TBPL1: variants seen among roughly 807,000 people sequenced by gnomAD.
TBPL1 encodes the protein TATA box-binding protein-like 1.
In TBPL1, 4 loss-of-function variants were observed where a neutral mutation model predicts 22.1. The ratio of observed to expected loss-of-function variants is 0.18; its 90% CI spans 0.09 to 0.41. The LOEUF (loss-of-function observed/expected upper bound fraction) is 0.41, where lower values mean the gene tolerates loss of function less well. Among genes scored for constraint, TBPL1 ranks in the 10% least tolerant of loss-of-function variants. The probability of loss-of-function intolerance (pLI) is 1.00; values close to 1 mark genes in which losing one functional copy is unlikely to be tolerated. For missense variants in TBPL1, 115 were observed against 222.3 expected, an observed-to-expected ratio of 0.52 and a Z score of 3.07; for synonymous variants, 64 against 71.0, an observed-to-expected ratio of 0.90 and a Z score of 0.50.
At chr6:133,983,821 T>C (rs892669184) in intron 4 of TBPL1, among the ~76,000 whole-genome samples, 2 of 152,338 alleles carry the variant, frequency 1.3e-5, no homozygotes, top group East Asian at 3.9e-4. Flanking sequence ...CTTTTCTTAG[T>C]GTAACATTAG....
At position 133,989,736 on chromosome 6, in the gene TBPL1, A is replaced by G. The variant is rs1385066; in HGVS notation, c.*2696A>G. On this transcript the variant is annotated 3_prime_UTR_variant, in exon 7 of 7. Transcript: ENST00000237264. The stretch of plus-strand genomic sequence containing the variant: ...TTACATAGGTTTATAGTCTCTCCAC[A>G]TTGTTATAAAGGAATGTAATAGATC... 0.4 allele frequency: 60,868 copies of G among 151,998 alleles called. 15,042 individuals are homozygous for G. The highest frequency in any genetic ancestry group is 0.57 in the Non-Finnish European group (39,035 of 67,970). 9.4% of individuals were successfully genotyped at this position (151,998 alleles called of 1,614,324 possible).
intron 1 of TBPL1, among the ~76,000 whole-genome samples, chr6:133,954,431 G>C (rs1775892291): frequency 6.6e-6 from 1 of 152,228 alleles, no homozygotes; most frequent in Non-Finnish European, 1.5e-5. Context: ...GAAAATGGCA[G>C]TTCCTTCCTA....
intron 2 of TBPL1, 83 bp from the exon 3 acceptor site, chr6:133,982,485 T>C: frequency 8.3e-7 from 1 of 1,201,724 alleles, no homozygotes; most frequent in Admixed American, 2.4e-5. Context: ...AGAGTAGTAT[T>C]TGGACATTAA....
intron 1 of TBPL1, among the ~76,000 whole-genome samples, chr6:133,962,973 G>A (rs1562656652): frequency 6.6e-6 from 1 of 152,208 alleles, no homozygotes; most frequent in South Asian, 2.1e-4. Flanking sequence ...ATAGGACATG[G>A]CAAGGGAGCA....
At chr6:133,986,898 A>G in intron 6 of TBPL1, 63 bp from the exon 7 acceptor site, 1 of 1,141,974 alleles carries the variant, frequency 8.8e-7, no homozygotes, top group South Asian at 1.6e-5. Flanking sequence ...CTGGAAAATC[A>G]GTTTTTCCTA....
rs540679519 is a variant in TBPL1 at position 133,964,226 on chromosome 6, T to C, written c.-45+10801T>C. ...AAATGTATGGCTTTCTTCTGATCTC[T>C]AGCCAAGTTCTCTGTGTTTATCCTT... On this transcript the variant is annotated intron_variant, in intron 1 of 6. Coordinates refer to ENST00000237264, the MANE Select transcript of TBPL1 (RefSeq NM_004865.4). 2.0e-5 allele frequency among the ~76,000 whole-genome samples: 3 copies of C among 152,322 alleles called. No individual in the cohort carries two copies. In the East Asian group the frequency reaches 5.8e-4, roughly 29 times the overall value.
chr6:133,976,784 C>T (rs914324998), intron 1 of TBPL1, among the ~76,000 whole-genome samples: 1 of 151,956 alleles, frequency 6.6e-6, no homozygotes, highest in South Asian at 2.1e-4. Context: ...GTCAAGAGTT[C>T]AAGAGCAACC....
At chr6:133,986,389 C>T (rs545118032) in intron 6 of TBPL1, among the ~76,000 whole-genome samples, 39 of 152,266 alleles carry the variant, frequency 2.6e-4, no homozygotes, top group Non-Finnish European at 5.1e-4. Flanking sequence ...GCATGGTCAC[C>T]TCGTAGCCTT....
chr6:133,955,049 G>T (rs941800941), intron 1 of TBPL1, among the ~76,000 whole-genome samples: 1 of 152,046 alleles, frequency 6.6e-6, no homozygotes, highest in African/African-American at 2.4e-5. Flanking sequence ...ACATTAAGAA[G>T]AAAAAGATAG....
At chr6:133,985,205 G>A (rs1390374726) in intron 6 of TBPL1, among the ~76,000 whole-genome samples, 2 of 147,598 alleles carry the variant, frequency 1.4e-5, no homozygotes, top group African/African-American at 5.0e-5. Flanking sequence ...TTTGAACCCA[G>A]GAGGCGGAGG....
At chr6:133,973,238 T>C (rs1439990718) in intron 1 of TBPL1, among the ~76,000 whole-genome samples, 1 of 152,192 alleles carries the variant, frequency 6.6e-6, no homozygotes, top group African/African-American at 2.4e-5. Context: ...TAGGAGACCA[T>C]GTGGGTTCCT....
At chr6:133,969,274 T>G (rs1040488132) in intron 1 of TBPL1, among the ~76,000 whole-genome samples, 1 of 143,126 alleles carries the variant, frequency 7.0e-6, no homozygotes, top group African/African-American at 2.7e-5. Context: ...TTTTTTTTTT[T>G]AGTAAATAGA....
intron 1 of TBPL1, among the ~76,000 whole-genome samples, chr6:133,975,875 A>G (rs940012083): frequency 3.3e-5 from 5 of 152,176 alleles, no homozygotes; most frequent in African/African-American, 1.2e-4. Flanking sequence ...AATGATAGGT[A>G]CGTAGATGTT....
intron 1 of TBPL1, among the ~76,000 whole-genome samples, chr6:133,974,990 C>T (rs1355562477): frequency 6.6e-6 from 1 of 152,006 alleles, no homozygotes; most frequent in Non-Finnish European, 1.5e-5. Flanking sequence ...AATGTTTATA[C>T]AAGAAAAGAC....
intron 1 of TBPL1, among the ~76,000 whole-genome samples, chr6:133,974,004 C>A (rs1464045212): frequency 3.5e-3 from 438 of 124,050 alleles, no homozygotes; most frequent in Middle Eastern, 9.3e-3. Context: ...CAGACTTTAC[C>A]AAAAAAAAAA....
chr6:133,982,545 A>C, intron 2 of TBPL1, 23 bp from the exon 3 acceptor site: 1 of 1,595,426 alleles, frequency 6.3e-7, no homozygotes, highest in Non-Finnish European at 8.6e-7. Context: ...CTTATGAGGT[A>C]ATCAGATTTT....
In TBPL1 at chr6:133,984,417, G is replaced by T; in HGVS notation, c.324G>T (p.Val108=). 6.2e-7 allele frequency: 1 copy of T among 1,613,514 alleles called. No individual in the cohort carries two copies. Among genetic ancestry groups the T allele is most frequent in the South Asian group, 1.1e-5 (1 of 91,056 alleles). The change falls in exon 5 of 7, where the codon GTG becomes GTT. Residue 108 remains valine, a synonymous_variant. Coordinates refer to ENST00000237264, the MANE Select transcript of TBPL1 (RefSeq NM_004865.4). ...TDFKVVNVLA[V]CNMPFEIRLP... ...TTAAGGTTGTTAACGTTCTGGCAGT[G>T]TGTAACATGCCATTTGAAATCCGTT...
At chr6:133,982,086 G>A (rs554315919) in intron 2 of TBPL1, among the ~76,000 whole-genome samples, 5 of 152,352 alleles carry the variant, frequency 3.3e-5, no homozygotes, top group African/African-American at 9.6e-5. Flanking sequence ...GCAATGAAGG[G>A]ATGGGTGTTT....
intron 1 of TBPL1, among the ~76,000 whole-genome samples, chr6:133,964,013 C>T (rs1382360700): frequency 3.9e-5 from 6 of 152,146 alleles, no homozygotes; most frequent in Non-Finnish European, 5.9e-5. Context: ...TGCACTCCAG[C>T]CTGGGCGACA....
Sources: allele counts gnomAD v4.1 joint callset (sites outside exome capture counted in the v4.1 genomes callset), GRCh38; gene constraint gnomAD v4.1.1; transcripts MANE v1.5; gene names NCBI Gene and HGNC (gene_info 2026-07-23, HGNC 2026-07-21).